The following DNAJC1 variants were observed in gnomAD, a reference collection of about 807,000 sequenced individuals.
DNAJC1 encodes dnaJ homolog subfamily C member 1.
Under a neutral mutation model 76.6 loss-of-function variants are expected in DNAJC1, and 58 were observed. The observed-to-expected ratio is 0.76, with a 90% CI of 0.61 to 0.94. DNAJC1 has a LOEUF of 0.94. Ranked by LOEUF, DNAJC1 falls within the 40% of genes least tolerant of loss-of-function variation. DNAJC1 has a pLI of 0.00. For missense variants in DNAJC1, 689 were observed against 677.3 expected (o/e 1.02, Z -0.19); for synonymous variants, 258 against 267.9 (o/e 0.96, Z 0.36).
chr10:21,901,498 T>C (rs946534236), intron 7 of DNAJC1, among the ~76,000 whole-genome samples: 1 of 152,152 alleles, frequency 6.6e-6, no homozygotes, highest in South Asian at 2.1e-4. Context: ...AACCACAAAA[T>C]TGATTAAAAG....
chr10:21,918,760 T>C lies in DNAJC1; in HGVS notation c.729+19A>G. On this transcript the variant is annotated intron_variant, in intron 6 of 11. Coordinates refer to ENST00000376980, the MANE Select transcript of DNAJC1 (RefSeq NM_022365.4). ...TAAAAATAAAAGATCTAATGTTATA[T>C]AAAAGAGGTACATTTTACCTGGATG... 1 of 1,562,354 alleles carries C rather than the reference T, an allele frequency of 6.4e-7. No individual in the cohort carries two copies. Among genetic ancestry groups the C allele is most frequent in the Non-Finnish European group, 8.8e-7 (1 of 1,133,374 alleles).
chr10:21,938,407 C>T lies in DNAJC1; in HGVS notation c.223-9266G>A, dbSNP rs565455555. Among the ~76,000 whole-genome samples, 5 of 151,192 alleles carry T rather than the reference C, an allele frequency of 3.3e-5. No homozygotes were observed. In the East Asian group the frequency reaches 9.7e-4, roughly 29 times the overall value. ...CTTTATACCTTCCATGGTTGCTATC[C>T]TAAGTTTTGCTACGTAATAGCACTG... On this transcript the variant is annotated intron_variant, in intron 1 of 11. Coordinates refer to ENST00000376980, the MANE Select transcript of DNAJC1 (RefSeq NM_022365.4).
Position 21,976,887 on chromosome 10 carries a change from C to T in DNAJC1, c.222+26326G>A, listed in dbSNP as rs190383704. Among the ~76,000 whole-genome samples, 21 of 152,268 alleles carry T rather than the reference C, an allele frequency of 1.4e-4. No homozygotes were observed. In the East Asian group the frequency reaches 3.1e-3, roughly 22 times the overall value. On this transcript the variant is annotated intron_variant, in intron 1 of 11. Transcript: ENST00000376980. ...TTCTCTAAGTCTTCTTGAATGCCGC[C>T]GGCCCACCCACTAGGCTCCCCTATT...
At chr10:21,781,828 T>G (rs1834532929) in intron 9 of DNAJC1, among the ~76,000 whole-genome samples, 1 of 145,410 alleles carries the variant, frequency 6.9e-6, no homozygotes, top group African/African-American at 2.6e-5. Context: ...AAGGCAGAAA[T>G]AAGTATGTTC....
intron 9 of DNAJC1, among the ~76,000 whole-genome samples, chr10:21,779,765 GAGA>G (rs1834502596): frequency 1.3e-5 from 2 of 152,156 alleles, no homozygotes; most frequent in Non-Finnish European, 2.9e-5. Flanking sequence ...GATGAGTTGA[GAGA>G]AGAAGGCTTC....
At chr10:21,793,034 G>A (rs905586725) in intron 9 of DNAJC1, among the ~76,000 whole-genome samples, 12 of 152,014 alleles carry the variant, frequency 7.9e-5, no homozygotes, top group Admixed American at 5.2e-4. Context: ...GCCTGGGCAC[G>A]GTGGCTCATG....
intron 9 of DNAJC1, among the ~76,000 whole-genome samples, chr10:21,794,978 A>G (rs1834735888): frequency 6.6e-6 from 1 of 152,134 alleles, no homozygotes; most frequent in Non-Finnish European, 1.5e-5. Flanking sequence ...GAAATCTGAA[A>G]TGTTCCAATA....
rs1837855946 is a variant in DNAJC1 at position 21,964,533 on chromosome 10, A to G, written c.223-35392T>C. The stretch of plus-strand genomic sequence containing the variant: ...AGATTCAAAATTTTAATTTTATCCT[A>G]TTTACCATCTTTACAAATTAAGTAT... On this transcript the variant is annotated intron_variant, in intron 1 of 11. Transcript: ENST00000376980. 1.3e-5 allele frequency among the ~76,000 whole-genome samples: 2 copies of G among 152,106 alleles called. 1 individual carries two copies. Among genetic ancestry groups the G allele is most frequent in the South Asian group, 4.1e-4 (2 of 4,836 alleles).
At chr10:21,944,170 G>GT (rs11411342) in intron 1 of DNAJC1, among the ~76,000 whole-genome samples, 96,479 of 148,920 alleles carry the variant, frequency 0.65, 31,389 homozygotes, top group East Asian at 0.85. Context: ...TCACATAAAG[G>GT]TTTTTTTTTT....
At chr10:21,829,725 T>G (rs927435393) in intron 8 of DNAJC1, among the ~76,000 whole-genome samples, 2 of 152,272 alleles carry the variant, frequency 1.3e-5, no homozygotes, top group African/African-American at 4.8e-5. Context: ...ATGGCTGGAT[T>G]TCATTCTTTT....
At chr10:21,837,014 G>C (rs1359738588) in intron 8 of DNAJC1, among the ~76,000 whole-genome samples, 1 of 152,192 alleles carries the variant, frequency 6.6e-6, no homozygotes, top group Non-Finnish European at 1.5e-5. Flanking sequence ...CTCCCTGCCT[G>C]ATTCTCCTGC....
At chr10:21,915,221 C>G (rs1339941970) in intron 6 of DNAJC1, among the ~76,000 whole-genome samples, 2 of 152,180 alleles carry the variant, frequency 1.3e-5, no homozygotes, top group African/African-American at 4.8e-5. Context: ...ACTAAGCAGG[C>G]AACAGGAGTT....
At chr10:21,775,205 G>C (rs898314475) in intron 9 of DNAJC1, among the ~76,000 whole-genome samples, 3 of 151,788 alleles carry the variant, frequency 2.0e-5, no homozygotes, top group African/African-American at 4.8e-5. Context: ...AGGTTCGTTA[G>C]ATAGCAGCAA....
chr10:21,913,755 A>G (rs1590046604), intron 6 of DNAJC1, among the ~76,000 whole-genome samples: 1 of 152,310 alleles, frequency 6.6e-6, no homozygotes, highest in East Asian at 1.9e-4. Context: ...AGGAGAGCAG[A>G]AACAGACTGG....
intron 9 of DNAJC1, among the ~76,000 whole-genome samples, chr10:21,782,680 G>A (rs1372692078): frequency 1.3e-5 from 2 of 152,198 alleles, no homozygotes; most frequent in Non-Finnish European, 2.9e-5. Flanking sequence ...GAATCCAGCA[G>A]CACATCAAAA....
chr10:21,777,882 C>T (rs1834473926), intron 9 of DNAJC1, among the ~76,000 whole-genome samples: 1 of 152,200 alleles, frequency 6.6e-6, no homozygotes, highest in African/African-American at 2.4e-5. Flanking sequence ...TCATCCCCAA[C>T]TACCTTGTAA....
At chr10:21,997,829 T>G (rs1168698841) in intron 1 of DNAJC1, among the ~76,000 whole-genome samples, 1 of 152,190 alleles carries the variant, frequency 6.6e-6, no homozygotes, top group African/African-American at 2.4e-5. Flanking sequence ...CAGCATTCAT[T>G]TGAATATAAG....
intron 8 of DNAJC1, among the ~76,000 whole-genome samples, chr10:21,871,328 T>C (rs1836100729): frequency 6.9e-6 from 1 of 144,012 alleles, no homozygotes; most frequent in African/African-American, 2.6e-5. Context: ...ATTAAGGCTA[T>C]GTAGAAGCGG....
intron 7 of DNAJC1, among the ~76,000 whole-genome samples, chr10:21,893,756 T>C (rs1201518268): frequency 2.0e-5 from 3 of 151,672 alleles, no homozygotes. Flanking sequence ...TAAACTTCCA[T>C]GTCAAGAAAT....
Sources: gnomAD v4.1 joint callset for allele counts (sites outside exome capture counted in the v4.1 genomes callset) on GRCh38, gnomAD v4.1.1 for gene constraint, MANE v1.5 for transcripts, NCBI Gene and HGNC (gene_info 2026-07-23, HGNC 2026-07-21) for gene names.